COL4A3: variants seen among roughly 807,000 people sequenced by gnomAD.
COL4A3 encodes the protein collagen alpha-3(IV) chain.
Under a neutral mutation model 217.4 loss-of-function variants are expected in COL4A3, and 135 were observed. The ratio of observed to expected loss-of-function variants is 0.62; its 90% CI spans 0.54 to 0.72. COL4A3 has a LOEUF of 0.72. Ranked by LOEUF, COL4A3 falls within the 30% of genes least tolerant of loss-of-function variation. The pLI is 0.00. For synonymous variants in COL4A3, 690 were observed against 736.3 expected, an observed-to-expected ratio of 0.94 and a Z score of 1.02; for missense variants, 1,868 against 2,119.9, an observed-to-expected ratio of 0.88 and a Z score of 2.33.
intron 9 of COL4A3, 111 bp downstream of exon 9, chr2:227,248,631 C>T: frequency 1.4e-6 from 1 of 715,840 alleles, no homozygotes; most frequent in Non-Finnish European, 2.4e-6. Context: ...CTCTCACTCT[C>T]TTAAGAAGAT....
At chr2:227,279,915 A>C in intron 29 of COL4A3, 25 bp downstream of exon 29, 1 of 1,550,186 alleles carries the variant, frequency 6.5e-7, no homozygotes, top group Non-Finnish European at 8.8e-7. Context: ...AAGCTATCAC[A>C]GAAGAGAGGG....
At chr2:227,291,101 G>C in intron 37 of COL4A3, 1 of 551,322 alleles carries the variant, frequency 1.8e-6, no homozygotes, top group Admixed American at 3.0e-5. Context: ...AGTCACCAAG[G>C]AATTTCTCAC....
Position 227,253,749 on chromosome 2 carries a change from A to G in COL4A3, c.765+111A>G. On this transcript the variant is annotated intron_variant, in intron 13 of 51. Coordinates refer to ENST00000396578, the MANE Select transcript of COL4A3 (RefSeq NM_000091.5). The surrounding 1 kb of genome is among the most constrained non-coding windows in gnomAD (Gnocchi z 4.4). ...TTGTTATCTAAGTCCAGCTCAGCCC[A>G]GCTCCCTCAGCCAGCCAGAACCTCC... The G allele has an allele frequency of 2.1e-6, 2 of 942,648 alleles. No homozygotes were observed. The highest frequency in any genetic ancestry group is 4.8e-5 in the East Asian group (2 of 41,846). The allele number at this position is 942,648 out of a possible 1,614,324, so 58.4% of individuals were successfully genotyped here. A position where few individuals can be genotyped will look rare whatever the true frequency, so the allele number is the denominator to read the frequency against.
chr2:227,260,279 C>A (rs1449512923), intron 19 of COL4A3, among the ~76,000 whole-genome samples: 2 of 152,178 alleles, frequency 1.3e-5, no homozygotes, highest in African/African-American at 2.4e-5. Flanking sequence ...ATGATCTGTC[C>A]TTGATGCCGT....
intron 1 of COL4A3, among the ~76,000 whole-genome samples, chr2:227,175,295 C>G (rs1274948601): frequency 6.6e-6 from 1 of 152,112 alleles, no homozygotes; most frequent in South Asian, 2.1e-4. Flanking sequence ...AAAATGGTGA[C>G]ACCCCATCTC....
chr2:227,309,740 T>A (rs1282679411), intron 50 of COL4A3, among the ~76,000 whole-genome samples: 1 of 152,158 alleles, frequency 6.6e-6, no homozygotes, highest in African/African-American at 2.4e-5. Context: ...TAGCTGAGAT[T>A]GCAGGTCTGT....
chr2:227,280,086 G>A (rs1321702379), intron 29 of COL4A3, among the ~76,000 whole-genome samples, 196 bp downstream of exon 29: 2 of 152,238 alleles, frequency 1.3e-5, no homozygotes, highest in African/African-American at 2.4e-5. Flanking sequence ...GTGTCAGAAT[G>A]CAGATTTCAT....
At position 227,290,896 on chromosome 2, in the gene COL4A3, C is replaced by A; in HGVS notation, c.3210+10C>A. The A allele has an allele frequency of 6.2e-7, 1 of 1,608,344 alleles. No individual in the cohort carries two copies. Among genetic ancestry groups the A allele is most frequent in the Non-Finnish European group, 8.5e-7 (1 of 1,178,078 alleles). On this transcript the variant is annotated intron_variant, in intron 37 of 51. Transcript: ENST00000396578. ...ACCACCGGGACCAACGGTATATAGG[C>A]CACTGAAATATTTACATTTTAGTGG...
intron 1 of COL4A3, among the ~76,000 whole-genome samples, chr2:227,220,180 C>CTTTTTT (rs534893588): frequency 2.4e-5 from 2 of 82,976 alleles, no homozygotes; most frequent in Non-Finnish European, 4.3e-5. Flanking sequence ...GAGACAAAGC[C>CTTTTTT]TTTTTTTTTT....
At chr2:227,193,626 C>T (rs1031351380) in intron 1 of COL4A3, among the ~76,000 whole-genome samples, 5 of 151,698 alleles carry the variant, frequency 3.3e-5, no homozygotes, top group Non-Finnish European at 5.9e-5. Context: ...GCAGGAGAAT[C>T]TCTTGAACCA....
At chr2:227,218,521 G>C (rs1281413661) in intron 1 of COL4A3, among the ~76,000 whole-genome samples, 1 of 152,040 alleles carries the variant, frequency 6.6e-6, no homozygotes, top group East Asian at 1.9e-4. Flanking sequence ...ATTAGGATAT[G>C]ATAATGATTC....
chr2:227,246,842 C>T (rs563787901), intron 7 of COL4A3, 104 bp downstream of exon 7: 2 of 958,190 alleles, frequency 2.1e-6, no homozygotes, highest in South Asian at 2.6e-5. Context: ...TTAGGGAAGT[C>T]TGGGGTAGCC....
chr2:227,164,637 G>A lies in COL4A3; in HGVS notation c.-90G>A. 5 of 1,514,826 alleles carry A rather than the reference G, an allele frequency of 3.3e-6. No homozygotes were observed. The highest frequency in any genetic ancestry group is 1.2e-5 in the South Asian group (1 of 83,074). The allele number at this position is 1,514,826 out of a possible 1,614,324, so 93.8% of individuals were successfully genotyped here. On this transcript the variant is annotated 5_prime_UTR_variant, in exon 1 of 52. Transcript: ENST00000396578. This position sits in a 1 kb window ranked among gnomAD's most constrained non-coding sequence, Gnocchi z 4.8. ...GAGTGGCGAGGCGAGCTTTCCAGCC[G>A]GGCTCCCAGAGCCGCGCTGCGCAGG...
chr2:227,308,845 G>A (rs2073622201), intron 48 of COL4A3, 54 bp from the exon 49 acceptor site: 1 of 1,566,282 alleles, frequency 6.4e-7, no homozygotes. Context: ...TAGTAACGAT[G>A]CTGAAAATAA....
chr2:227,262,458 A>G (rs1301633459), intron 20 of COL4A3, among the ~76,000 whole-genome samples: 1 of 152,146 alleles, frequency 6.6e-6, no homozygotes, highest in Non-Finnish European at 1.5e-5. Context: ...ATTGCACTGA[A>G]TCTGTAGATT....
intron 1 of COL4A3, among the ~76,000 whole-genome samples, chr2:227,174,699 G>T (rs1346147774): frequency 6.6e-6 from 1 of 152,050 alleles, no homozygotes; most frequent in Non-Finnish European, 1.5e-5. Context: ...AAGAGACGGG[G>T]TCTCACCATG....
chr2:227,235,226 A>G (rs1001867254), intron 1 of COL4A3, among the ~76,000 whole-genome samples: 1 of 151,178 alleles, frequency 6.6e-6, no homozygotes, highest in African/African-American at 2.5e-5. Context: ...GCCGTCTGGG[A>G]ATCCACACTT....
chr2:227,226,189 CTGTT>C (rs991128092), intron 1 of COL4A3, among the ~76,000 whole-genome samples: 1 of 152,152 alleles, frequency 6.6e-6, no homozygotes. Context: ...AGACAGCCCT[CTGTT>C]TGTCTTCCTT....
chr2:227,214,397 C>T (rs975265963), intron 1 of COL4A3, among the ~76,000 whole-genome samples: 1 of 152,134 alleles, frequency 6.6e-6, no homozygotes, highest in Admixed American at 6.6e-5. Context: ...TATAGAGAAG[C>T]CTTCTTTGAT....
Sources: gnomAD v4.1 joint callset for allele counts (sites outside exome capture counted in the v4.1 genomes callset) on GRCh38, gnomAD v4.1.1 for gene constraint, Gnocchi (gnomAD v3.1) non-coding constraint, MANE v1.5 for transcripts, NCBI Gene and HGNC (gene_info 2026-07-23, HGNC 2026-07-21) for gene names.